Variants in DGKB observed in about 807,000 individuals in gnomAD.
DGKB encodes the protein 90 kDa diacylglycerol kinase.
In DGKB, 67 loss-of-function variants were observed where a neutral mutation model predicts 114.3. The observed-to-expected ratio is 0.59, with a 90% confidence interval of 0.48 to 0.72. DGKB has a LOEUF of 0.72. Among genes scored for constraint, DGKB ranks in the 30% least tolerant of loss-of-function variants. The probability of loss-of-function intolerance (pLI) is 0.00; values close to 1 mark genes in which losing one functional copy is unlikely to be tolerated. For missense variants in DGKB, 907 were observed against 975.2 expected, an observed-to-expected ratio of 0.93 and a Z score of 0.93; for synonymous variants, 398 against 323.1, an observed-to-expected ratio of 1.23 and a Z score of -2.49.
intron 4 of DGKB, among the ~76,000 whole-genome samples, chr7:14,740,072 G>C (rs757386470): frequency 6.6e-6 from 1 of 152,246 alleles, no homozygotes; most frequent in Admixed American, 6.5e-5. Flanking sequence ...GGGGGCTAGA[G>C]GCCCCGTGCA....
chr7:14,196,963 C>G (rs1232061108), intron 23 of DGKB, among the ~76,000 whole-genome samples: 1 of 152,106 alleles, frequency 6.6e-6, no homozygotes, highest in African/African-American at 2.4e-5. Flanking sequence ...CAGCAACATT[C>G]ATGACTAATC....
At chr7:14,362,233 G>A (rs1042720948) in intron 21 of DGKB, among the ~76,000 whole-genome samples, 1 of 152,006 alleles carries the variant, frequency 6.6e-6, no homozygotes, top group African/African-American at 2.4e-5. Context: ...AAGTTTTAGT[G>A]TCCTTACATT....
intron 1 of DGKB, among the ~76,000 whole-genome samples, chr7:14,953,335 T>A (rs1027993895): frequency 6.6e-6 from 1 of 152,106 alleles, no homozygotes; most frequent in African/African-American, 2.4e-5. Context: ...AAAGATCATG[T>A]AAAGAACCCT....
chr7:14,195,239 C>A (rs574831781), intron 23 of DGKB, among the ~76,000 whole-genome samples: 4 of 152,232 alleles, frequency 2.6e-5, no homozygotes, highest in African/African-American at 9.6e-5. Flanking sequence ...TTTCACAGCA[C>A]CATGCCTCTT....
At position 14,672,995 on chromosome 7, in the gene DGKB, A is replaced by T; in HGVS notation, c.1068T>A (p.Pro356=). The change falls in exon 13 of 26, where the codon CCT becomes CCA. Residue 356 remains proline (P), a synonymous_variant. Coordinates refer to ENST00000402815, the MANE Select transcript of DGKB (RefSeq NM_001350709.2). ...LHNKCASHLK[P]ECDCGPLKDH... ...CCTTCAAAGGTCCACAGTCACATTC[A>T]GGTTTTAGATGAGAAGCACATTTAT... 6.3e-7 allele frequency: 1 copy of T among 1,577,284 alleles called. No homozygotes were observed. The highest frequency in any genetic ancestry group is 1.8e-5 in the Admixed American group (1 of 54,876).
chr7:14,508,909 A>G (rs1787544536), intron 20 of DGKB, among the ~76,000 whole-genome samples: 1 of 152,206 alleles, frequency 6.6e-6, no homozygotes, highest in Non-Finnish European at 1.5e-5. Context: ...ATATGTAGGA[A>G]CATCACATTC....
intron 23 of DGKB, among the ~76,000 whole-genome samples, chr7:14,199,655 G>A (rs1785536870): frequency 2.6e-5 from 4 of 152,026 alleles, no homozygotes; most frequent in Admixed American, 2.6e-4. Flanking sequence ...AGTTCAGTGG[G>A]ATTCAATTAG....
At chr7:14,397,888 G>A (rs558784448) in intron 21 of DGKB, among the ~76,000 whole-genome samples, 3 of 151,896 alleles carry the variant, frequency 2.0e-5, no homozygotes, top group East Asian at 1.9e-4. Context: ...TCAACAATTC[G>A]GCTTTATTTT....
chr7:14,861,547 C>T (rs1436745897), intron 1 of DGKB, among the ~76,000 whole-genome samples: 1 of 151,890 alleles, frequency 6.6e-6, no homozygotes, highest in Non-Finnish European at 1.5e-5. Flanking sequence ...CTTGTACCTG[C>T]TATGCAGTTT....
intron 21 of DGKB, among the ~76,000 whole-genome samples, chr7:14,382,375 C>G (rs1435108261): frequency 2.3e-5 from 2 of 88,150 alleles, no homozygotes; most frequent in Non-Finnish European, 5.6e-5. Context: ...CACTCAAATA[C>G]ATAGTTTTTT....
intron 1 of DGKB, among the ~76,000 whole-genome samples, chr7:14,851,113 A>G (rs894802103): frequency 1.3e-5 from 2 of 152,182 alleles, no homozygotes; most frequent in Non-Finnish European, 2.9e-5. Context: ...GAAATTGGAC[A>G]TATATACAGT....
At chr7:14,364,101 G>A (rs891679638) in intron 21 of DGKB, among the ~76,000 whole-genome samples, 3 of 151,978 alleles carry the variant, frequency 2.0e-5, no homozygotes, top group Admixed American at 6.6e-5. Context: ...AATTTTGAAA[G>A]TGACGAAATT....
chr7:14,681,041 A>G (rs1820735018), intron 12 of DGKB, among the ~76,000 whole-genome samples: 1 of 151,958 alleles, frequency 6.6e-6, no homozygotes, highest in South Asian at 2.1e-4. Flanking sequence ...TATTCACTAT[A>G]TGAAAAAAAT....
chr7:14,690,160 A>G (rs1822569378), intron 9 of DGKB, among the ~76,000 whole-genome samples: 1 of 152,258 alleles, frequency 6.6e-6, no homozygotes, highest in African/African-American at 2.4e-5. Flanking sequence ...ATGACGATCC[A>G]AAGTTAGAGA....
chr7:14,190,995 G>A lies in DGKB; in HGVS notation c.2123-12844C>T, dbSNP rs61743389. ...CTGGGTCTTAGATAAACTGAAAGCC[G>A]AACCTGAACATGGTATCACCATTGA... On this transcript the variant is annotated intron_variant, in intron 23 of 25. Transcript: ENST00000402815. 3.1e-3 allele frequency: 478 copies of A among 154,512 alleles called. 3 individuals are homozygous for A. Among genetic ancestry groups the A allele is most frequent in the African/African-American group, 0.011 (461 of 41,604 alleles). 9.6% of individuals were successfully genotyped at this position (154,512 alleles called of 1,614,324 possible).
At chr7:14,446,293 A>G (rs1174197680) in intron 21 of DGKB, among the ~76,000 whole-genome samples, 1 of 152,194 alleles carries the variant, frequency 6.6e-6, no homozygotes, top group East Asian at 1.9e-4. Flanking sequence ...TTTCTTGGAT[A>G]GTTATGTGCA....
chr7:14,758,924 G>GATAGATAC (rs1554262137), intron 2 of DGKB, among the ~76,000 whole-genome samples: 4 of 147,626 alleles, frequency 2.7e-5, no homozygotes, highest in South Asian at 2.1e-4. Flanking sequence ...TAGATAGATA[G>GATAGATAC]ATAGATAGAT....
chr7:14,549,926 T>A (rs1254017736), intron 20 of DGKB, among the ~76,000 whole-genome samples: 1 of 151,844 alleles, frequency 6.6e-6, no homozygotes, highest in Non-Finnish European at 1.5e-5. Flanking sequence ...GAGGTGGAGG[T>A]TGCAGTGAGC....
chr7:14,697,040 T>G (rs1585742693), intron 8 of DGKB, among the ~76,000 whole-genome samples: 1 of 152,326 alleles, frequency 6.6e-6, no homozygotes, highest in Middle Eastern at 3.4e-3. Flanking sequence ...TTGCTAAAGG[T>G]TTTAAAAATA....
Sources: allele counts gnomAD v4.1 joint callset (sites outside exome capture counted in the v4.1 genomes callset), GRCh38; gene constraint gnomAD v4.1.1; transcripts MANE v1.5; gene names NCBI Gene and HGNC (gene_info 2026-07-23, HGNC 2026-07-21).